The following CAST variants were observed in gnomAD, a reference collection of about 807,000 sequenced individuals.
CAST encodes the protein calpastatin.
In CAST, 76 loss-of-function variants were observed where a neutral mutation model predicts 119.6. The ratio of observed to expected loss-of-function variants is 0.64; its 90% confidence interval spans 0.53 to 0.77. The LOEUF is 0.77. Among genes scored for constraint, CAST ranks in the 30% least tolerant of loss-of-function variants. CAST has a pLI of 0.00. For missense variants in CAST, 953 were observed against 946.5 expected, an observed-to-expected ratio of 1.01 and a Z score of -0.09; for synonymous variants, 319 against 331.6, an observed-to-expected ratio of 0.96 and a Z score of 0.41.
the CAST span, among the ~76,000 whole-genome samples, chr5:96,166,347 A>G: frequency 1.3e-5 from 2 of 152,244 alleles, no homozygotes; most frequent in Non-Finnish European, 2.9e-5. Flanking sequence ...TAACAGAAGT[A>G]TTTAACAACA....
rs540137196 is a variant in CAST at position 96,644,967 on chromosome 5, G to T, written c.61-30572G>T. Among the ~76,000 whole-genome samples, 14 of 152,236 alleles carry T rather than the reference G, an allele frequency of 9.2e-5. No individual in the cohort carries two copies. The East Asian group carries it at 2.7e-3, about 29-fold the overall frequency. On this transcript the variant is annotated intron_variant, in intron 1 of 11. Coordinates refer to the CAST transcript ENST00000505143. ...CTCCAGCCTGGGTGACAGAGTGAGAGTGTCTCAAAAAACAAACAAACAAAT... is the reference window on the plus strand; with the variant it reads ...CTCCAGCCTGGGTGACAGAGTGAGATTGTCTCAAAAAACAAACAAACAAAT...
chr5:96,275,327 T>C, the CAST span, among the ~76,000 whole-genome samples: 10 of 152,278 alleles, frequency 6.6e-5, no homozygotes, highest in African/African-American at 2.2e-4. Flanking sequence ...TTGATCAAGG[T>C]TCAGTTAGAT....
chr5:96,140,392 T>C, the CAST span, among the ~76,000 whole-genome samples: 47,292 of 152,176 alleles, frequency 0.31, 7,581 homozygotes, highest in Middle Eastern at 0.38. Flanking sequence ...AAAGTTATCA[T>C]ACTTTTCATT....
At chr5:96,317,382 C>G in the CAST span, among the ~76,000 whole-genome samples, 1 of 142,362 alleles carries the variant, frequency 7.0e-6, no homozygotes, top group Admixed American at 7.6e-5. Context: ...GAGGCTGAGG[C>G]AGGAGAATCG....
intron 1 of CAST, among the ~76,000 whole-genome samples, chr5:96,638,530 A>G (rs1561437052): frequency 1.3e-5 from 2 of 152,218 alleles, no homozygotes; most frequent in Non-Finnish European, 2.9e-5. Context: ...GGGATCCTCT[A>G]GACCTCCCCC....
chr5:96,133,650 ATCT>A, the CAST span, among the ~76,000 whole-genome samples: 1 of 152,180 alleles, frequency 6.6e-6, no homozygotes, highest in Admixed American at 6.5e-5. Context: ...CTATAATAAA[ATCT>A]TCATTACAAA....
At chr5:96,494,850 G>T in the CAST span, among the ~76,000 whole-genome samples, 3 of 152,212 alleles carry the variant, frequency 2.0e-5, no homozygotes, top group African/African-American at 7.2e-5. Context: ...GGGCGCAGTA[G>T]CTCACGCCTG....
chr5:96,774,448 C>CTAGT lies in CAST; in HGVS notation c.*1836_*1839dup, dbSNP rs1321260296. The CTAGT allele has an allele frequency of 1.1e-6, 1 of 935,284 alleles. No homozygotes were observed. Among genetic ancestry groups the CTAGT allele is most frequent in the Non-Finnish European group, 1.3e-6 (1 of 782,578 alleles). 57.9% of individuals were successfully genotyped at this position (935,284 alleles called of 1,614,324 possible). A position where few individuals can be genotyped will look rare whatever the true frequency, so the allele number is the denominator to read the frequency against. Reference sequence around the variant, plus strand: ...GATCTAAAGCAGCCCTTTTTACAGTCTAGTTAGGAGAGAGAAAATAATTGC... The same window carrying CTAGT: ...GATCTAAAGCAGCCCTTTTTACAGTCTAGTTAGTTAGGAGAGAGAAAATAATTGC... On this transcript the variant is annotated 3_prime_UTR_variant, in exon 32 of 32. Transcript: ENST00000675179.
At chr5:96,478,147 T>A in the CAST span, among the ~76,000 whole-genome samples, 2 of 152,258 alleles carry the variant, frequency 1.3e-5, no homozygotes, top group Admixed American at 6.5e-5. Context: ...TATTACAATT[T>A]GTTTTGTCAA....
chr5:96,040,096 T>G, the CAST span, among the ~76,000 whole-genome samples: 88 of 152,330 alleles, frequency 5.8e-4, 1 homozygote, highest in Non-Finnish European at 1.1e-3. Context: ...ACATCCCTTG[T>G]AAGTTGGATT....
chr5:96,658,549 G>T (rs997256582), upstream of CAST, among the ~76,000 whole-genome samples: 1 of 152,160 alleles, frequency 6.6e-6, no homozygotes, highest in African/African-American at 2.4e-5. Flanking sequence ...ACAGGAGGTT[G>T]CTTCTTACTG....
intron 1 of CAST, among the ~76,000 whole-genome samples, chr5:96,641,832 C>T (rs1747954908): frequency 6.6e-6 from 1 of 152,242 alleles, no homozygotes; most frequent in East Asian, 1.9e-4. Context: ...AAAGCTCCCT[C>T]TAACTTTGCC....
the CAST span, chr5:96,379,681 C>T: frequency 6.6e-5 from 10 of 152,020 alleles, no homozygotes; most frequent in African/African-American, 2.2e-4. Context: ...ATATTTGCAT[C>T]GAAGTTATTT....
intron 24 of CAST, among the ~76,000 whole-genome samples, chr5:96,757,900 A>G (rs1161037731): frequency 1.3e-5 from 2 of 152,024 alleles, no homozygotes; most frequent in Non-Finnish European, 2.9e-5. Flanking sequence ...CATGCTGGCC[A>G]GGCTGGTGTC....
the CAST span, among the ~76,000 whole-genome samples, chr5:96,009,977 A>G: frequency 6.6e-6 from 1 of 152,106 alleles, no homozygotes; most frequent in East Asian, 1.9e-4. Flanking sequence ...GTATATGGTG[A>G]AAGGTAAGGG....
At chr5:96,432,262 T>C in the CAST span, 1 of 761,340 alleles carries the variant, frequency 1.3e-6, no homozygotes, top group Non-Finnish European at 2.1e-6. Flanking sequence ...ACCCACCATT[T>C]CTCCCCCCAG....
chr5:96,590,843 C>G (rs997664888), intron 1 of CAST, among the ~76,000 whole-genome samples: 1 of 152,060 alleles, frequency 6.6e-6, no homozygotes, highest in Non-Finnish European at 1.5e-5. Context: ...AATGATTCGT[C>G]AATTAAAAAT....
chr5:96,152,316 T>G, the CAST span, among the ~76,000 whole-genome samples: 3 of 152,182 alleles, frequency 2.0e-5, no homozygotes, highest in African/African-American at 7.2e-5. Context: ...GGAGAGTGTC[T>G]GCAGGAATGT....
chr5:96,357,116 G>A, the CAST span, among the ~76,000 whole-genome samples: 1 of 152,126 alleles, frequency 6.6e-6, no homozygotes, highest in African/African-American at 2.4e-5. Flanking sequence ...GTTCACTCAT[G>A]ATCTGGCTCT....
Sources: allele counts gnomAD v4.1 joint callset (sites outside exome capture counted in the v4.1 genomes callset), GRCh38; gene constraint gnomAD v4.1.1; transcripts MANE v1.5; gene names NCBI Gene and HGNC (gene_info 2026-07-23, HGNC 2026-07-21).